DLGAP1: variants seen among roughly 807,000 people sequenced by gnomAD.
DLGAP1 encodes the protein DLG associated protein 1.
A neutral mutation model predicts 90.8 loss-of-function variants in DLGAP1; 11 were observed. The observed-to-expected ratio is 0.12, with a 90% confidence interval of 0.08 to 0.20. The LOEUF is 0.20. Among genes scored for constraint, DLGAP1 ranks in the 10% least tolerant of loss-of-function variants. The pLI is 1.00. For synonymous variants in DLGAP1, 558 were observed against 540.7 expected (o/e 1.03, Z -0.44); for missense variants, 1,050 against 1,333.8 (o/e 0.79, Z 3.31).
chr18:4,390,406 A>G (rs2082317945), intron 1 of DLGAP1, among the ~76,000 whole-genome samples: 1 of 151,758 alleles, frequency 6.6e-6, no homozygotes, highest in South Asian at 2.1e-4. Context: ...ATCAGGGCTC[A>G]TTCTCGGTGT....
intron 2 of DLGAP1, among the ~76,000 whole-genome samples, chr18:4,124,750 T>A (rs1009773984): frequency 2.0e-5 from 3 of 152,230 alleles, no homozygotes; most frequent in Non-Finnish European, 4.4e-5. Context: ...AAGGTTTACA[T>A]GCTTGGTGTT....
At chr18:4,385,932 G>A (rs572552102) in intron 1 of DLGAP1, among the ~76,000 whole-genome samples, 1 of 152,234 alleles carries the variant, frequency 6.6e-6, no homozygotes, top group African/African-American at 2.4e-5. Context: ...TTAGAGGAAA[G>A]CTTATGAAAG....
intron 4 of DLGAP1, among the ~76,000 whole-genome samples, chr18:3,826,930 C>G (rs924884327): frequency 6.6e-6 from 1 of 152,022 alleles, no homozygotes; most frequent in African/African-American, 2.4e-5. Flanking sequence ...GGTTTGCTAA[C>G]GATGATCTGG....
chr18:3,860,602 G>T (rs1176639231), intron 4 of DLGAP1, among the ~76,000 whole-genome samples: 1 of 152,188 alleles, frequency 6.6e-6, no homozygotes, highest in East Asian at 1.9e-4. Flanking sequence ...CTGCATGGCT[G>T]TCAATGAAGG....
chr18:4,025,024 C>A (rs2074676091), intron 2 of DLGAP1, among the ~76,000 whole-genome samples: 1 of 152,196 alleles, frequency 6.6e-6, no homozygotes, highest in Non-Finnish European at 1.5e-5. Flanking sequence ...CCTACCTGCC[C>A]TCTGTCCTCC....
At chr18:3,532,622 T>A (rs2052087580) in intron 10 of DLGAP1, among the ~76,000 whole-genome samples, 1 of 151,782 alleles carries the variant, frequency 6.6e-6, no homozygotes, top group East Asian at 1.9e-4. Context: ...TAATAAAAAT[T>A]GAAAAAGTAA....
chr18:4,039,051 T>C (rs2074934418), intron 2 of DLGAP1, among the ~76,000 whole-genome samples: 2 of 152,110 alleles, frequency 1.3e-5, no homozygotes, highest in Non-Finnish European at 2.9e-5. Context: ...GTTAACTTGA[T>C]CAGTTACTCT....
Position 4,198,532 on chromosome 18 carries a change from C to G in DLGAP1, c.-266-47245G>C, listed in dbSNP as rs138662133. Among the ~76,000 whole-genome samples, 714 of 152,298 alleles carry G rather than the reference C, an allele frequency of 4.7e-3. 6 individuals carry two copies. Among genetic ancestry groups the G allele is most frequent in the African/African-American group, 0.014 (580 of 41,576 alleles). On this transcript the variant is annotated intron_variant, in intron 1 of 12. Coordinates refer to ENST00000315677, the MANE Select transcript of DLGAP1 (RefSeq NM_004746.4). ...ACGCATCAGACAGTTGTCACCCTTT[C>G]TAATCCTTTAAAAATAGTTTAGGAT...
At chr18:3,881,740 C>T (rs920613409) in intron 3 of DLGAP1, among the ~76,000 whole-genome samples, 6 of 152,066 alleles carry the variant, frequency 3.9e-5, no homozygotes, top group Non-Finnish European at 5.9e-5. Flanking sequence ...GGTGAAACCC[C>T]GTCTCTTCTA....
chr18:3,661,875 C>T (rs1174256092), intron 7 of DLGAP1, among the ~76,000 whole-genome samples: 1 of 152,026 alleles, frequency 6.6e-6, no homozygotes, highest in Non-Finnish European at 1.5e-5. Context: ...AGCCACTGCT[C>T]CCGGCCAGCT....
Position 3,529,582 on chromosome 18 carries a change from C to T in DLGAP1, c.2479+4612G>A, listed in dbSNP as rs1352424037. ...ACATATTTACTGATCCCCTGTTATGCGTCAGAGGGTCTGGTGATATGAAGA... is the reference window on the plus strand; with the variant it reads ...ACATATTTACTGATCCCCTGTTATGTGTCAGAGGGTCTGGTGATATGAAGA... On this transcript the variant is annotated intron_variant, in intron 10 of 12. Transcript: ENST00000315677. Among the ~76,000 whole-genome samples the T allele has an allele frequency of 2.6e-5, 4 of 152,128 alleles. No homozygotes were observed. In the East Asian group the frequency reaches 7.7e-4, roughly 29 times the overall value.
intron 1 of DLGAP1, among the ~76,000 whole-genome samples, chr18:4,282,363 CAAA>C (rs10710132): frequency 1.3e-4 from 13 of 99,076 alleles, no homozygotes; most frequent in South Asian, 3.9e-4. Flanking sequence ...GACTCTGTCT[CAAA>C]AAAAAAAAAA....
chr18:4,163,395 T>C (rs1408023426), intron 1 of DLGAP1, among the ~76,000 whole-genome samples: 2 of 152,238 alleles, frequency 1.3e-5, no homozygotes, highest in Admixed American at 6.5e-5. Context: ...TACTATTCTT[T>C]ACAGTGCCTT....
At chr18:4,050,996 A>G (rs572101209) in intron 2 of DLGAP1, among the ~76,000 whole-genome samples, 2 of 152,344 alleles carry the variant, frequency 1.3e-5, no homozygotes, top group South Asian at 4.1e-4. Context: ...TAGGGTCATC[A>G]GAATGTGTTG....
chr18:3,683,651 A>G (rs1293267910), intron 7 of DLGAP1, among the ~76,000 whole-genome samples: 1 of 152,216 alleles, frequency 6.6e-6, no homozygotes, highest in Non-Finnish European at 1.5e-5. Flanking sequence ...AGGCTCAGAC[A>G]AAGGATTATC....
intron 2 of DLGAP1, among the ~76,000 whole-genome samples, chr18:4,044,614 G>A (rs1263589228): frequency 6.6e-6 from 1 of 151,994 alleles, no homozygotes; most frequent in Admixed American, 6.6e-5. Context: ...GGTGGTGGGC[G>A]CCTGTAATCC....
At chr18:4,009,366 T>C (rs1383861235) in intron 2 of DLGAP1, among the ~76,000 whole-genome samples, 5 of 152,238 alleles carry the variant, frequency 3.3e-5, no homozygotes. Flanking sequence ...TTGAGATCCA[T>C]GTTTCCTACT....
At chr18:3,822,656 A>G (rs939936117) in intron 4 of DLGAP1, among the ~76,000 whole-genome samples, 1 of 152,174 alleles carries the variant, frequency 6.6e-6, no homozygotes, top group African/African-American at 2.4e-5. Flanking sequence ...AAAATTGAAC[A>G]TATGTGTGTG....
chr18:4,437,445 T>A (rs183369937), intron 1 of DLGAP1, among the ~76,000 whole-genome samples: 2 of 152,350 alleles, frequency 1.3e-5, no homozygotes, highest in East Asian at 3.8e-4. Context: ...TAAAATGGTA[T>A]GGTATTTGCA....
Sources: allele counts gnomAD v4.1 joint callset (sites outside exome capture counted in the v4.1 genomes callset), GRCh38; gene constraint gnomAD v4.1.1; transcripts MANE v1.5; gene names NCBI Gene and HGNC (gene_info 2026-07-23, HGNC 2026-07-21).